MGST2: variants seen among roughly 807,000 people sequenced by gnomAD.
MGST2 encodes the protein glutathione peroxidase MGST2.
A neutral mutation model predicts 16.6 loss-of-function variants in MGST2; 9 were observed. The ratio of observed to expected loss-of-function variants is 0.54; its 90% CI spans 0.33 to 0.95. MGST2 has a LOEUF of 0.95. Ranked by LOEUF, MGST2 falls within the 40% of genes least tolerant of loss-of-function variation. The pLI is 0.03. For missense variants in MGST2, 159 were observed against 175.1 expected (o/e 0.91, Z 0.52); for synonymous variants, 79 against 68.0 (o/e 1.16, Z -0.79).
downstream of MGST2, among the ~76,000 whole-genome samples, chr4:139,742,309 C>T (rs780052091): frequency 3.9e-5 from 6 of 152,062 alleles, no homozygotes; most frequent in East Asian, 1.9e-4. Flanking sequence ...CCACCACGCC[C>T]GGCTAATTTT....
intron 2 of MGST2, among the ~76,000 whole-genome samples, chr4:139,691,359 C>G (rs1205323300): frequency 6.6e-6 from 1 of 152,152 alleles, no homozygotes; most frequent in Non-Finnish European, 1.5e-5. Flanking sequence ...ATTTTCATGT[C>G]AATGAAACTG....
intron 2 of MGST2, among the ~76,000 whole-genome samples, chr4:139,683,896 C>T (rs1731399069): frequency 7.1e-6 from 1 of 140,186 alleles, no homozygotes; most frequent in Non-Finnish European, 1.6e-5. Context: ...GGGAATGCCT[C>T]TTTTAAAAAC....
chr4:139,700,364 C>T (rs958727526), intron 3 of MGST2, among the ~76,000 whole-genome samples: 2 of 152,220 alleles, frequency 1.3e-5, no homozygotes, highest in Non-Finnish European at 2.9e-5. Flanking sequence ...ATCTCCTGAT[C>T]TCGTGATCCG....
downstream of MGST2, among the ~76,000 whole-genome samples, chr4:139,705,372 A>G (rs1727480777): frequency 6.6e-6 from 1 of 152,210 alleles, no homozygotes; most frequent in Non-Finnish European, 1.5e-5. Context: ...TTATCTCTTT[A>G]TGCTGCCTCA....
At chr4:139,681,600 G>A (rs538627899) in intron 2 of MGST2, among the ~76,000 whole-genome samples, 5 of 152,174 alleles carry the variant, frequency 3.3e-5, no homozygotes, top group South Asian at 4.1e-4. Context: ...ATGTTAAACC[G>A]TCACTTTTTT....
intron 2 of MGST2, among the ~76,000 whole-genome samples, chr4:139,688,920 AAC>A (rs1233772947): frequency 6.6e-6 from 1 of 152,112 alleles, no homozygotes; most frequent in East Asian, 1.9e-4. Flanking sequence ...CAGCCTGGCC[AAC>A]GTGATGAAAC....
intron 5 of MGST2, among the ~76,000 whole-genome samples, chr4:139,728,044 C>T (rs939599405): frequency 1.3e-5 from 2 of 152,110 alleles, no homozygotes; most frequent in South Asian, 4.1e-4. Context: ...GGTGAAACCC[C>T]ATCTCTACTA....
chr4:139,697,714 CAGTT>C (rs1202639377), intron 3 of MGST2, among the ~76,000 whole-genome samples: 1 of 152,112 alleles, frequency 6.6e-6, no homozygotes, highest in Non-Finnish European at 1.5e-5. Flanking sequence ...TAGGACAACT[CAGTT>C]AGAAAAGTAT....
intron 1 of MGST2, among the ~76,000 whole-genome samples, chr4:139,677,979 C>T (rs993024774): frequency 6.6e-6 from 1 of 152,166 alleles, no homozygotes; most frequent in Non-Finnish European, 1.5e-5. Context: ...CTTGACTTTT[C>T]CCTTGGCTTA....
rs529899389 is a variant in MGST2 at position 139,698,806 on chromosome 4, T to A, written c.229+3539T>A. On this transcript the variant is annotated intron_variant, in intron 3 of 4. Transcript: ENST00000265498. ...CTTTTTTCTTTTCTTATCTTTTCCT[T>A]TCTTCTTTCTTCATCTTCTTTTTTT... 2.6e-3 allele frequency among the ~76,000 whole-genome samples: 389 copies of A among 152,150 alleles called. 3 individuals carry two copies. Among genetic ancestry groups the A allele is most frequent in the African/African-American group, 8.7e-3 (362 of 41,564 alleles).
At chr4:139,676,085 C>T (rs755713196) in intron 1 of MGST2, among the ~76,000 whole-genome samples, 1 of 152,154 alleles carries the variant, frequency 6.6e-6, no homozygotes, top group Non-Finnish European at 1.5e-5. Context: ...GCCTCCTCAT[C>T]TCCAGGCAAT....
intron 2 of MGST2, among the ~76,000 whole-genome samples, chr4:139,684,277 G>A (rs1463175735): frequency 6.6e-6 from 1 of 152,142 alleles, no homozygotes; most frequent in Non-Finnish European, 1.5e-5. Context: ...AATAGCATGG[G>A]AAAGACTTGC....
intron 3 of MGST2, among the ~76,000 whole-genome samples, chr4:139,702,305 C>T (rs1727291170): frequency 6.6e-6 from 1 of 152,140 alleles, no homozygotes; most frequent in Non-Finnish European, 1.5e-5. Flanking sequence ...ACATGACAAC[C>T]ACCCAGAAAG....
chr4:139,713,288 G>A (rs777123091), intron 5 of MGST2, among the ~76,000 whole-genome samples: 11 of 152,066 alleles, frequency 7.2e-5, no homozygotes, highest in Non-Finnish European at 1.6e-4. Context: ...ATTTTGAGAG[G>A]GATCCATCTG....
chr4:139,711,269 G>T (rs988999709), intron 5 of MGST2, among the ~76,000 whole-genome samples: 2 of 152,046 alleles, frequency 1.3e-5, no homozygotes, highest in East Asian at 3.9e-4. Context: ...TACAGGAAAA[G>T]GTCCCAATCC....
intron 5 of MGST2, among the ~76,000 whole-genome samples, chr4:139,738,135 G>A (rs944117506): frequency 2.0e-5 from 3 of 152,280 alleles, no homozygotes; most frequent in African/African-American, 7.2e-5. Flanking sequence ...CAAACAGCTT[G>A]TGGTTGTTAT....
intron 5 of MGST2, among the ~76,000 whole-genome samples, chr4:139,726,732 A>G (rs1728487216): frequency 1.3e-5 from 2 of 152,230 alleles, no homozygotes; most frequent in African/African-American, 4.8e-5. Context: ...GGGATTCCAC[A>G]TATACCAGCA....
At chr4:139,680,402 T>TA (rs1731179597) in intron 2 of MGST2, among the ~76,000 whole-genome samples, 1 of 152,226 alleles carries the variant, frequency 6.6e-6, no homozygotes, top group Non-Finnish European at 1.5e-5. Context: ...CTCCTTTCGT[T>TA]ACATTCAAAT....
At chr4:139,697,454 G>A (rs193011455) in intron 3 of MGST2, among the ~76,000 whole-genome samples, 4 of 152,092 alleles carry the variant, frequency 2.6e-5, no homozygotes, top group African/African-American at 9.7e-5. Context: ...CTGTTATCTT[G>A]ATATTTTAAA....
Sources: gnomAD v4.1 joint callset for allele counts (sites outside exome capture counted in the v4.1 genomes callset) on GRCh38, gnomAD v4.1.1 for gene constraint, MANE v1.5 for transcripts, NCBI Gene and HGNC (gene_info 2026-07-23, HGNC 2026-07-21) for gene names.